The following TOX variants were observed in gnomAD, a reference collection of about 807,000 sequenced individuals.
The protein encoded by TOX is thymocyte selection-associated high mobility group box protein TOX.
Under a neutral mutation model 53.7 loss-of-function variants are expected in TOX, and 11 were observed. The observed-to-expected ratio is 0.20, with a 90% CI of 0.13 to 0.34. The LOEUF (loss-of-function observed/expected upper bound fraction) is 0.34. TOX is among the 10% of genes least tolerant of loss of function. TOX has a pLI of 1.00. For missense variants in TOX, 570 were observed against 664.6 expected (o/e 0.86, Z 1.56); for synonymous variants, 225 against 245.3 (o/e 0.92, Z 0.77).
chr8:58,810,726 G>C (rs1810063106), intron 7 of TOX, among the ~76,000 whole-genome samples: 1 of 151,952 alleles, frequency 6.6e-6, no homozygotes, highest in Non-Finnish European at 1.5e-5. Context: ...AAGTAGTCGA[G>C]AATATATTGA....
chr8:58,952,910 C>G (rs1347882745), intron 2 of TOX, among the ~76,000 whole-genome samples: 2 of 152,072 alleles, frequency 1.3e-5, no homozygotes, highest in Non-Finnish European at 2.9e-5. Context: ...TGAGTAGAAA[C>G]TGGCAATCAG....
At chr8:59,020,575 CA>C (rs1814105480) in intron 1 of TOX, among the ~76,000 whole-genome samples, 1 of 152,108 alleles carries the variant, frequency 6.6e-6, no homozygotes, top group Admixed American at 6.5e-5. Context: ...CCTGTATGAA[CA>C]GGCATATCAT....
Position 58,826,909 on chromosome 8 carries a change from C to G in TOX, c.925-7G>C, listed in dbSNP as rs1810375710. On this transcript the variant is annotated splice_region_variant and splice_polypyrimidine_tract_variant and intron_variant, in intron 5 of 8. Coordinates refer to ENST00000361421, the MANE Select transcript of TOX (RefSeq NM_014729.3). The stretch of plus-strand genomic sequence containing the variant: ...CGGTTTTCTTTTTATAGACCTGCAA[C>G]AACAGCAAAGAGTCTTAAATTAGAA... 1 of 1,608,988 alleles carries G rather than the reference C, an allele frequency of 6.2e-7. No individual in the cohort carries two copies. Among genetic ancestry groups the G allele is most frequent in the Non-Finnish European group, 8.5e-7 (1 of 1,178,072 alleles).
intron 1 of TOX, among the ~76,000 whole-genome samples, chr8:59,081,476 C>A (rs1804407533): frequency 6.6e-6 from 1 of 152,118 alleles, no homozygotes; most frequent in Non-Finnish European, 1.5e-5. Context: ...GAGCAATACA[C>A]CCTTATTTGC....
At chr8:58,902,869 T>C (rs1235992685) in intron 3 of TOX, among the ~76,000 whole-genome samples, 1 of 152,194 alleles carries the variant, frequency 6.6e-6, no homozygotes, top group Non-Finnish European at 1.5e-5. Flanking sequence ...TGAATTCTAC[T>C]CAGTATCTAC....
In TOX at chr8:58,851,903, A is replaced by G. The variant is rs1810832295; in HGVS notation, c.412-98T>C. On this transcript the variant is annotated intron_variant, in intron 3 of 8. Transcript: ENST00000361421. This position sits in a 1 kb window ranked among gnomAD's most constrained non-coding sequence, Gnocchi z 4.4. ...TTGGGCAAAAAAGTAATAATTCTTT[A>G]GATTTCCAGATGTTCTGCTGAGTTA... 1.2e-5 allele frequency: 13 copies of G among 1,079,600 alleles called. No homozygotes were observed. Among genetic ancestry groups the G allele is most frequent in the South Asian group, 7.9e-5 (2 of 25,396 alleles). The allele number at this position is 1,079,600 out of a possible 1,614,324, so 66.9% of individuals were successfully genotyped here. A position where few individuals can be genotyped will look rare whatever the true frequency, so the allele number is the denominator to read the frequency against.
intron 2 of TOX, among the ~76,000 whole-genome samples, chr8:58,956,080 G>C (rs1812703700): frequency 6.6e-6 from 1 of 152,084 alleles, no homozygotes; most frequent in Non-Finnish European, 1.5e-5. Flanking sequence ...AAGAATGGGG[G>C]AAAGCCATGG....
At chr8:59,000,320 T>C (rs1465082724) in intron 1 of TOX, among the ~76,000 whole-genome samples, 2 of 152,186 alleles carry the variant, frequency 1.3e-5, no homozygotes, top group Non-Finnish European at 2.9e-5. Flanking sequence ...TGGCTATGGT[T>C]ATACACTCTA....
intron 3 of TOX, among the ~76,000 whole-genome samples, chr8:58,871,531 T>C (rs1373651944): frequency 2.0e-5 from 3 of 152,182 alleles, no homozygotes; most frequent in East Asian, 1.9e-4. Context: ...AGATGCTGAC[T>C]TAAGTAATTT....
At position 59,049,095 on chromosome 8, in the gene TOX, C is replaced by T. The variant is rs115463715; in HGVS notation, c.102+69791G>A. Among the ~76,000 whole-genome samples, 803 of 131,502 alleles carry T rather than the reference C, an allele frequency of 6.1e-3. 11 individuals are homozygous for T. The highest frequency in any genetic ancestry group is 0.021 in the African/African-American group (768 of 37,126). The allele number at this position is 131,502 out of a possible 152,430, so 86.3% of individuals were successfully genotyped here. ...TTTATCTATCCATTATTATTTGGCC[C>T]GGTAATGAAAATGAAAAAAACAAAC... On this transcript the variant is annotated intron_variant, in intron 1 of 8. Coordinates refer to ENST00000361421, the MANE Select transcript of TOX (RefSeq NM_014729.3).
intron 3 of TOX, among the ~76,000 whole-genome samples, chr8:58,882,653 AAGG>A (rs1276993515): frequency 6.6e-6 from 1 of 152,234 alleles, no homozygotes; most frequent in Non-Finnish European, 1.5e-5. Context: ...AAATGTTAAA[AAGG>A]TAAGTTCAAG....
chr8:59,106,844 A>T lies in TOX; in HGVS notation c.102+12042T>A, dbSNP rs1173235358. On this transcript the variant is annotated intron_variant, in intron 1 of 8. Coordinates refer to ENST00000361421, the MANE Select transcript of TOX (RefSeq NM_014729.3). ...TTCACCAAGATTGGGTTCAGTTTCT[A>T]AGAAATCATTATGCCCTGAATTTTA... is the stretch of plus-strand genomic sequence containing the variant. 5.9e-5 allele frequency among the ~76,000 whole-genome samples: 9 copies of T among 152,214 alleles called. No individual in the cohort carries two copies. The South Asian group carries it at 1.4e-3, about 24-fold the overall frequency.
intron 1 of TOX, among the ~76,000 whole-genome samples, chr8:59,051,698 A>T (rs533534019): frequency 2.0e-5 from 3 of 152,260 alleles, no homozygotes; most frequent in African/African-American, 7.2e-5. Context: ...TTTCGTAAAC[A>T]ATCTGGGCAT....
chr8:58,949,625 A>G (rs1181612932), intron 2 of TOX, among the ~76,000 whole-genome samples: 1 of 152,156 alleles, frequency 6.6e-6, no homozygotes, highest in Non-Finnish European at 1.5e-5. Flanking sequence ...GATATTTTTT[A>G]CTGTTAACAA....
At chr8:58,961,608 A>G (rs1812798726) in intron 1 of TOX, among the ~76,000 whole-genome samples, 1 of 151,964 alleles carries the variant, frequency 6.6e-6, no homozygotes, top group East Asian at 1.9e-4. Context: ...GCTCACTGCA[A>G]TCTCCGCCTC....
intron 1 of TOX, among the ~76,000 whole-genome samples, chr8:58,995,145 C>T (rs1813538663): frequency 6.6e-6 from 1 of 152,208 alleles, no homozygotes. Flanking sequence ...TCTTCTGCCA[C>T]TAACTTTATT....
intron 4 of TOX, among the ~76,000 whole-genome samples, chr8:58,840,206 G>A (rs1810620273): frequency 6.6e-6 from 1 of 152,132 alleles, no homozygotes; most frequent in African/African-American, 2.4e-5. Flanking sequence ...TGTCTTTATT[G>A]AGAAACCTAT....
intron 3 of TOX, among the ~76,000 whole-genome samples, chr8:58,920,963 A>T (rs1443143051): frequency 6.6e-6 from 1 of 152,146 alleles, no homozygotes; most frequent in Admixed American, 6.5e-5. Flanking sequence ...AGATTCCTGT[A>T]AATATGCATC....
At chr8:59,039,597 T>C (rs994285071) in intron 1 of TOX, among the ~76,000 whole-genome samples, 1 of 152,206 alleles carries the variant, frequency 6.6e-6, no homozygotes, top group Non-Finnish European at 1.5e-5. Context: ...TCCCTCTCAT[T>C]ATCCTTCCGA....
Sources: allele counts gnomAD v4.1 joint callset (sites outside exome capture counted in the v4.1 genomes callset), GRCh38; gene constraint gnomAD v4.1.1; non-coding constraint Gnocchi (gnomAD v3.1); transcripts MANE v1.5; gene names NCBI Gene and HGNC (gene_info 2026-07-23, HGNC 2026-07-21).